The following BTNL9 variants were observed in gnomAD, a reference collection of about 807,000 sequenced individuals.
BTNL9 encodes butyrophilin-like protein 9.
Under a neutral mutation model 45.8 loss-of-function variants are expected in BTNL9, and 45 were observed. That is an observed-to-expected ratio of 0.98 (90% CI 0.77 to 1.26). BTNL9 has a LOEUF of 1.26. BTNL9 is among the 50% of genes most tolerant of loss of function. The probability of loss-of-function intolerance (pLI) is 0.00; values close to 1 mark genes in which losing one functional copy is unlikely to be tolerated. For missense variants in BTNL9, 784 were observed against 729.7 expected (o/e 1.07, Z -0.86); for synonymous variants, 346 against 330.8 (o/e 1.05, Z -0.50).
intron 9 of BTNL9, chr5:181,056,481 T>G (rs1051218784): frequency 5.4e-5 from 38 of 707,502 alleles, no homozygotes; most frequent in Non-Finnish European, 5.3e-6. Context: ...TCATCATGCT[T>G]TAATATCCAT....
chr5:181,056,902 T>C, intron 9 of BTNL9: 2 of 353,942 alleles, frequency 5.7e-6, no homozygotes, highest in Non-Finnish European at 1.0e-5. Context: ...CTGTATATGC[T>C]AGTTGGCTCT....
At position 181,059,779 on chromosome 5, in the gene BTNL9, G is replaced by C; in HGVS notation, c.1525G>C (p.Gly509Arg). ...PLTICPLPVR[G>R]TGVPEENDSD... ...GACCATCTGCCCGCTGCCGGTTAGA[G>C]GGACGGGCGTCCCCGAAGAGAACGA... The change falls in exon 11 of 11, where the codon GGG (glycine) becomes CGG (arginine). Residue 509 changes from glycine to arginine, a missense_variant. By Grantham distance (125) the Gly-to-Arg change is moderately radical. Transcript: ENST00000327705. 1 of 1,609,764 alleles carries C rather than the reference G, an allele frequency of 6.2e-7. No homozygotes were observed. The highest frequency in any genetic ancestry group is 8.5e-7 in the Non-Finnish European group (1 of 1,179,578).
intron 1 of BTNL9, chr5:181,043,327 C>G (rs2113143448): frequency 6.6e-6 from 1 of 151,754 alleles, no homozygotes; most frequent in Non-Finnish European, 1.5e-5. Flanking sequence ...ATCCTCCTCC[C>G]CTGAAGATTC....
intron 1 of BTNL9, among the ~76,000 whole-genome samples, chr5:181,044,943 C>T (rs148249246): frequency 1.7e-3 from 259 of 152,290 alleles, no homozygotes; most frequent in Middle Eastern, 6.8e-3. Context: ...AGGCAGCCAC[C>T]TGCATGCACT....
Position 181,053,598 on chromosome 5 carries a change from C to A in BTNL9, c.886+97C>A. 6.5e-7 allele frequency: 1 copy of A among 1,549,084 alleles called. No individual in the cohort carries two copies. Among genetic ancestry groups the A allele is most frequent in the South Asian group, 1.2e-5 (1 of 83,970 alleles). ...GTCCCGTTACGAGGGTTTATTCCAG[C>A]GCGAGGTGTCAGGGCGGCCACCGGG... is the stretch of plus-strand genomic sequence containing the variant. On this transcript the variant is annotated intron_variant, in intron 6 of 10. Transcript: ENST00000327705. The surrounding 1 kb of genome is among the most constrained non-coding windows in gnomAD (Gnocchi z 6.5).
At position 181,040,413 on chromosome 5, in the gene BTNL9, C is replaced by A. The variant is rs1357240955; in HGVS notation, c.-43C>A. The A allele has an allele frequency of 2.0e-5, 3 of 152,170 alleles. No homozygotes were observed. The highest frequency in any genetic ancestry group is 7.2e-5 in the African/African-American group (3 of 41,428). The allele number at this position is 152,170 out of a possible 1,614,324, so 9.4% of individuals were successfully genotyped here. On this transcript the variant is annotated 5_prime_UTR_variant, in exon 1 of 11. Transcript: ENST00000327705. The stretch of plus-strand genomic sequence containing the variant: ...CCAGGACTCATCTGCCATTTCAGAC[C>A]TTTTGCTGCTACCTGCCAGGTAAGT...
intron 3 of BTNL9, among the ~76,000 whole-genome samples, chr5:181,048,870 AGT>A (rs1396333579): frequency 2.2e-5 from 3 of 138,044 alleles, no homozygotes; most frequent in Non-Finnish European, 4.6e-5. Flanking sequence ...TAATTATATT[AGT>A]TATATAATAT....
intron 10 of BTNL9, among the ~76,000 whole-genome samples, chr5:181,058,991 T>C (rs1029633233): frequency 6.6e-6 from 1 of 151,990 alleles, no homozygotes; most frequent in Non-Finnish European, 1.5e-5. Context: ...CTATCTCTGG[T>C]ATGGAATTCA....
intron 1 of BTNL9, 136 bp downstream of exon 1, chr5:181,040,568 G>T (rs1760725210): frequency 1.3e-5 from 2 of 152,246 alleles, no homozygotes; most frequent in South Asian, 4.1e-4. Flanking sequence ...CGCAGCATGG[G>T]ATGTTTCGAG....
chr5:181,053,472 AG>A lies in BTNL9; in HGVS notation c.858del (p.Lys286AsnfsTer2). 6.3e-7 allele frequency: 1 copy of A among 1,576,494 alleles called. No homozygotes were observed. The part of the protein sequence containing the change: ...VLRKQRRSRE[K>X]LRKQAEKRQE... ...CTCCGCTCCCGTTTCCCTTCAGAAA[AG>A]CTGAGGAAGCAGGCGGAGAAGAGAC... On this transcript the variant is annotated frameshift_variant, in exon 6 of 11. Transcript: ENST00000327705. LOFTEE classifies it high-confidence loss of function. This position sits in a 1 kb window ranked among gnomAD's most constrained non-coding sequence, Gnocchi z 6.5.
chr5:181,047,707 A>T (rs1488607184), intron 2 of BTNL9, among the ~76,000 whole-genome samples: 1 of 152,194 alleles, frequency 6.6e-6, no homozygotes, highest in Non-Finnish European at 1.5e-5. Flanking sequence ...TCAGCACCAC[A>T]AATCTGGTTG....
rs755091778 is a variant in BTNL9 at position 181,058,334 on chromosome 5, T to C, written c.956-18T>C. On this transcript the variant is annotated intron_variant, in intron 9 of 10. Coordinates refer to ENST00000327705, the MANE Select transcript of BTNL9 (RefSeq NM_152547.5). The stretch of plus-strand genomic sequence containing the variant: ...CTGAGATTTCTGAGCTTTTTTCCCC[T>C]TTTCTGTTTGGTTTCAGAGTGGAGA... 2.5e-6 allele frequency: 4 copies of C among 1,614,028 alleles called. No homozygotes were observed. The Admixed American group carries it at 5.0e-5, about 20-fold the overall frequency.
At chr5:181,057,281 A>G (rs1761934046) in intron 9 of BTNL9, 2 of 152,124 alleles carry the variant, frequency 1.3e-5, no homozygotes, top group Non-Finnish European at 2.9e-5. Flanking sequence ...ATGTAACTAC[A>G]AAAACCTTTC....
chr5:181,056,063 C>T lies in BTNL9; in HGVS notation c.955+48C>T, dbSNP rs1271288917. 3 of 1,602,494 alleles carry T rather than the reference C, an allele frequency of 1.9e-6. No homozygotes were observed. The South Asian group carries it at 3.3e-5, about 18-fold the overall frequency. Reference sequence around the variant, plus strand: ...TGACTCCTCCTCATTTATATCTGAGCACCCCAGTCCAACTCACCTGATTAA... The same window carrying T: ...TGACTCCTCCTCATTTATATCTGAGTACCCCAGTCCAACTCACCTGATTAA... On this transcript the variant is annotated intron_variant, in intron 9 of 10. Transcript: ENST00000327705.
intron 3 of BTNL9, among the ~76,000 whole-genome samples, chr5:181,048,721 A>C (rs918738567): frequency 9.0e-6 from 1 of 111,376 alleles, no homozygotes; most frequent in African/African-American, 3.5e-5. Flanking sequence ...AAATATATAT[A>C]TATATCTATA....
chr5:181,043,231 T>C (rs62407881), intron 1 of BTNL9, among the ~76,000 whole-genome samples: 5 of 35,030 alleles, frequency 1.4e-4, no homozygotes, highest in South Asian at 5.2e-4. Flanking sequence ...TGTGTGTGTC[T>C]ATGTGTGTGT....
chr5:181,046,686 AGAGAGAGAGAGC>A (rs1761184692), intron 2 of BTNL9, among the ~76,000 whole-genome samples: 1 of 151,684 alleles, frequency 6.6e-6, no homozygotes, highest in Admixed American at 6.6e-5. Context: ...AGAGAGCGAG[AGAGAGAGAGAGC>A]GAGAGAGAGA....
rs1457351898 is a variant in BTNL9, at chr5:181,059,451, C to T, written c.1197C>T (p.Gly399=). 3.4e-6 allele frequency: 5 copies of T among 1,456,842 alleles called. No homozygotes were observed. Among genetic ancestry groups the T allele is most frequent in the Admixed American group, 2.9e-5 (1 of 34,634 alleles). The allele number at this position is 1,456,842 out of a possible 1,614,324, so 90.2% of individuals were successfully genotyped here. ...HVGRRSRWFL[G]ACLAAVPRAG... is the part of the protein sequence containing the mutation. ...GCCGCCGCAGCCGCTGGTTCCTGGG[C>T]GCCTGCCTGGCCGCGGTGCCGCGCG... Residue 399 remains glycine (G), a synonymous_variant, in exon 11 of 11, where the codon GGC becomes GGT. Coordinates refer to ENST00000327705, the MANE Select transcript of BTNL9 (RefSeq NM_152547.5).
rs1056019855 is a variant in BTNL9, at chr5:181,055,476, A to G, written c.928+23A>G. On this transcript the variant is annotated intron_variant, in intron 8 of 10. Transcript: ENST00000327705. This position sits in a 1 kb window ranked among gnomAD's most constrained non-coding sequence, Gnocchi z 4.4. The stretch of plus-strand genomic sequence containing the variant: ...TTGGTAAGTGACCCCTCTTAGAACT[A>G]TTTCTCCTCAGGGCCGGGTCCAGTG... The G allele has an allele frequency of 8.7e-6, 14 of 1,613,730 alleles. No individual in the cohort carries two copies. The Admixed American group carries it at 2.2e-4, about 25-fold the overall frequency.
Sources: allele counts gnomAD v4.1 joint callset (sites outside exome capture counted in the v4.1 genomes callset), GRCh38; gene constraint gnomAD v4.1.1; non-coding constraint Gnocchi (gnomAD v3.1); transcripts MANE v1.5; gene names NCBI Gene and HGNC (gene_info 2026-07-23, HGNC 2026-07-21).